Variants in DLG2 observed in about 807,000 individuals in gnomAD.
The protein encoded by DLG2 is disks large homolog 2.
DLG2 carries 45 observed loss-of-function variants against 132.5 expected under a neutral mutation model. That is an observed-to-expected ratio of 0.34 (90% CI 0.27 to 0.44). DLG2 has a LOEUF of 0.44. DLG2 is among the 20% of genes least tolerant of loss of function. DLG2 has a pLI of 1.00. For missense variants in DLG2, 1,045 were observed against 1,196.9 expected (o/e 0.87, Z 1.87); for synonymous variants, 424 against 419.6 (o/e 1.01, Z -0.13).
Position 85,060,452 on chromosome 11 carries a change from CAT to C in DLG2, c.357+51207_357+51208del, listed in dbSNP as rs199583547. Among the ~76,000 whole-genome samples the C allele has an allele frequency of 5.1e-3, 754 of 148,518 alleles. 7 individuals are homozygous for C. The highest frequency in any genetic ancestry group is 0.018 in the East Asian group (92 of 5,070). On this transcript the variant is annotated intron_variant, in intron 6 of 27. Coordinates refer to ENST00000376104, the MANE Select transcript of DLG2 (RefSeq NM_001142699.3). ...ATGTGTATATATATACACGCATATG[CAT>C]ATGTGTGTGTGTGTATATATATGTG...
intron 7 of DLG2, among the ~76,000 whole-genome samples, chr11:84,410,935 G>A (rs1172748687): frequency 6.6e-6 from 1 of 152,076 alleles, no homozygotes; most frequent in African/African-American, 2.4e-5. Context: ...TTAAAATATT[G>A]TTACTTATTG....
At chr11:84,586,675 CT>C (rs1187620850) in intron 6 of DLG2, among the ~76,000 whole-genome samples, 1 of 151,778 alleles carries the variant, frequency 6.6e-6, no homozygotes, top group Non-Finnish European at 1.5e-5. Flanking sequence ...TACACTTTTG[CT>C]TTATATTTGT....
At chr11:85,600,263 C>T (rs1222700757) in intron 2 of DLG2, among the ~76,000 whole-genome samples, 1 of 152,044 alleles carries the variant, frequency 6.6e-6, no homozygotes, top group Non-Finnish European at 1.5e-5. Flanking sequence ...GGAAATTGTT[C>T]CATTATCAAT....
At chr11:83,518,676 C>A (rs546757387) in intron 21 of DLG2, among the ~76,000 whole-genome samples, 110 of 152,260 alleles carry the variant, frequency 7.2e-4, no homozygotes, top group African/African-American at 2.3e-3. Context: ...TAACCAGCAA[C>A]TTTAAGTGTC....
At chr11:85,333,911 T>C (rs2081951555) in intron 3 of DLG2, among the ~76,000 whole-genome samples, 1 of 151,988 alleles carries the variant, frequency 6.6e-6, no homozygotes, top group South Asian at 2.1e-4. Flanking sequence ...ACTGTGTCTC[T>C]GACAGGTTTT....
At chr11:85,595,521 G>A (rs1338775182) in intron 3 of DLG2, among the ~76,000 whole-genome samples, 3 of 152,096 alleles carry the variant, frequency 2.0e-5, no homozygotes, top group African/African-American at 7.2e-5. Context: ...CTAGCATATT[G>A]CTGTTTCAGG....
intron 6 of DLG2, among the ~76,000 whole-genome samples, chr11:84,883,377 G>C (rs1464163980): frequency 6.6e-6 from 1 of 151,936 alleles, no homozygotes; most frequent in African/African-American, 2.4e-5. Context: ...TTAAAACCTA[G>C]ATGACGGGTT....
chr11:84,005,152 A>C (rs1326992319), intron 11 of DLG2, among the ~76,000 whole-genome samples: 1 of 152,014 alleles, frequency 6.6e-6, no homozygotes, highest in Non-Finnish European at 1.5e-5. Flanking sequence ...AAAAATAGAC[A>C]CTTAGACCAA....
At chr11:84,318,754 C>T (rs909431394) in intron 7 of DLG2, among the ~76,000 whole-genome samples, 7 of 152,168 alleles carry the variant, frequency 4.6e-5, no homozygotes, top group Non-Finnish European at 8.8e-5. Context: ...ATTCAAAACA[C>T]GTTTGTTCAA....
chr11:84,621,363 T>C (rs1179320352), intron 6 of DLG2, among the ~76,000 whole-genome samples: 4 of 152,234 alleles, frequency 2.6e-5, no homozygotes, highest in African/African-American at 9.6e-5. Flanking sequence ...AGGAGATTAT[T>C]TTCATGCTGA....
intron 6 of DLG2, among the ~76,000 whole-genome samples, chr11:84,767,697 C>G (rs1018811906): frequency 6.6e-6 from 1 of 151,734 alleles, no homozygotes; most frequent in African/African-American, 2.4e-5. Context: ...AAAACACTCA[C>G]AAGAGGTCCC....
rs564153964 is a variant in DLG2 at position 84,851,265 on chromosome 11, C to T, written c.357+260396G>A. 2.6e-5 allele frequency among the ~76,000 whole-genome samples: 4 copies of T among 152,142 alleles called. No individual in the cohort carries two copies. In the East Asian group the frequency reaches 7.7e-4, roughly 29 times the overall value. ...GTGTGTACTCTTTAATGTCTGTCTT[C>T]CTTCACATGTTATTATATTTGAGAG... is the stretch of plus-strand genomic sequence containing the variant. On this transcript the variant is annotated intron_variant, in intron 6 of 27. Coordinates refer to ENST00000376104, the MANE Select transcript of DLG2 (RefSeq NM_001142699.3).
At chr11:85,056,394 T>C (rs11234275) in intron 6 of DLG2, among the ~76,000 whole-genome samples, 1 of 151,998 alleles carries the variant, frequency 6.6e-6, no homozygotes, top group African/African-American at 2.4e-5. Flanking sequence ...TAGGGGAATT[T>C]AAAAATGAAT....
In DLG2 at chr11:83,628,730, T is replaced by C. The variant is rs184649503; in HGVS notation, c.1940+4481A>G. Among the ~76,000 whole-genome samples the C allele has an allele frequency of 2.3e-3, 349 of 152,248 alleles. 2 individuals are homozygous for C. Among genetic ancestry groups the C allele is most frequent in the Non-Finnish European group, 2.9e-3 (198 of 68,014 alleles). On this transcript the variant is annotated intron_variant, in intron 19 of 27. Transcript: ENST00000376104. ...ACCAAGGGTCTAAGGATCCTCGATATGTTTAATATAAGGTAGTAAAGACAC... is the reference window on the plus strand; with the variant it reads ...ACCAAGGGTCTAAGGATCCTCGATACGTTTAATATAAGGTAGTAAAGACAC...
intron 3 of DLG2, among the ~76,000 whole-genome samples, chr11:85,323,310 A>C (rs970184251): frequency 4.6e-5 from 7 of 152,156 alleles, no homozygotes; most frequent in Non-Finnish European, 8.8e-5. Flanking sequence ...AACACCATAA[A>C]CTTCCCTTGC....
intron 6 of DLG2, among the ~76,000 whole-genome samples, chr11:84,797,520 C>T (rs992896758): frequency 6.6e-6 from 1 of 152,106 alleles, no homozygotes; most frequent in African/African-American, 2.4e-5. Context: ...TGCTGTGATG[C>T]ATTCTTTAGT....
At chr11:85,359,825 C>CA (rs1413583845) in intron 3 of DLG2, among the ~76,000 whole-genome samples, 3 of 151,626 alleles carry the variant, frequency 2.0e-5, no homozygotes, top group Admixed American at 6.6e-5. Context: ...CATTATAGCA[C>CA]AAAAAAAGGA....
intron 7 of DLG2, among the ~76,000 whole-genome samples, chr11:84,409,005 C>T (rs761251519): frequency 3.9e-5 from 6 of 152,184 alleles, no homozygotes; most frequent in Non-Finnish European, 8.8e-5. Context: ...TAAAATCCTC[C>T]GATGACTCAC....
At chr11:84,572,059 T>A (rs947885521) in intron 6 of DLG2, among the ~76,000 whole-genome samples, 4 of 151,632 alleles carry the variant, frequency 2.6e-5, no homozygotes, top group Non-Finnish European at 5.9e-5. Flanking sequence ...TTTTTTTTTT[T>A]ATTTTTGTAA....
Sources: allele counts gnomAD v4.1 joint callset (sites outside exome capture counted in the v4.1 genomes callset), GRCh38; gene constraint gnomAD v4.1.1; transcripts MANE v1.5; gene names NCBI Gene and HGNC (gene_info 2026-07-23, HGNC 2026-07-21).